Variants in PDE11A observed in about 807,000 individuals in gnomAD.
PDE11A encodes phosphodiesterase 11A.
PDE11A carries 100 observed loss-of-function variants against 100.5 expected under a neutral mutation model. The ratio of observed to expected loss-of-function variants is 1.00; its 90% CI spans 0.85 to 1.18. PDE11A has a LOEUF of 1.18. PDE11A is among the 50% of genes most tolerant of loss of function. The pLI is 0.00. For synonymous variants in PDE11A, 381 were observed against 420.8 expected (o/e 0.91, Z 1.16); for missense variants, 1,141 against 1,152.6 (o/e 0.99, Z 0.15).
At chr2:177,691,231 C>T (rs757287938) in intron 15 of PDE11A, among the ~76,000 whole-genome samples, 2 of 152,098 alleles carry the variant, frequency 1.3e-5, no homozygotes, top group Non-Finnish European at 2.9e-5. Flanking sequence ...AGCAACAACC[C>T]CTGTGACTGT....
At position 177,817,905 on chromosome 2, in the gene PDE11A, T is replaced by G; in HGVS notation, c.1597A>C (p.Arg533=). The G allele has an allele frequency of 6.6e-7, 1 of 1,526,612 alleles. No individual in the cohort carries two copies. The highest frequency in any genetic ancestry group is 9.1e-7 in the Non-Finnish European group (1 of 1,101,958). The allele number at this position is 1,526,612 out of a possible 1,614,324, so 94.6% of individuals were successfully genotyped here. A position where few individuals can be genotyped will look rare whatever the true frequency, so the allele number is the denominator to read the frequency against. The change falls in exon 8 of 20, where the codon AGA becomes CGA. Residue 533 remains arginine (R), a synonymous_variant. Transcript: ENST00000286063. ...TCATCAAAAGGTTTCCCATCAAGTCTGTTTAACACTTGAGCCACTCCTATG... is the reference window on the plus strand; with the variant it reads ...TCATCAAAAGGTTTCCCATCAAGTCGGTTTAACACTTGAGCCACTCCTATG... ...QIIGVAQVLN[R]LDGKPFDDAD...
intron 4 of PDE11A, among the ~76,000 whole-genome samples, chr2:177,878,740 C>T (rs1209239441): frequency 3.3e-5 from 5 of 152,108 alleles, no homozygotes; most frequent in African/African-American, 4.8e-5. Context: ...TGTTCTGATT[C>T]CACAGCTCCA....
intron 12 of PDE11A, among the ~76,000 whole-genome samples, chr2:177,724,851 G>A (rs933987543): frequency 6.6e-6 from 1 of 152,010 alleles, no homozygotes; most frequent in Non-Finnish European, 1.5e-5. Flanking sequence ...CTTTGCCTTG[G>A]AGCGCCATCT....
At chr2:178,059,159 G>T (rs898165014) in intron 1 of PDE11A, among the ~76,000 whole-genome samples, 1 of 152,170 alleles carries the variant, frequency 6.6e-6, no homozygotes, top group Non-Finnish European at 1.5e-5. Context: ...TCTGCCTCCT[G>T]CCCTAGCTCC....
At chr2:177,697,861 G>C (rs1053159525) in intron 14 of PDE11A, among the ~76,000 whole-genome samples, 1 of 152,170 alleles carries the variant, frequency 6.6e-6, no homozygotes, top group East Asian at 1.9e-4. Context: ...CACTTGCTAT[G>C]GCAACAAATG....
intron 2 of PDE11A, among the ~76,000 whole-genome samples, chr2:178,000,631 T>TAA (rs1276595465): frequency 6.6e-5 from 10 of 152,318 alleles, no homozygotes; most frequent in African/African-American, 2.4e-4. Context: ...ATGAAAATAT[T>TAA]AAAGTATCTA....
intron 15 of PDE11A, chr2:177,687,483 C>T (rs1282824899): frequency 6.6e-6 from 1 of 152,182 alleles, no homozygotes; most frequent in Non-Finnish European, 1.5e-5. Context: ...GAGAGTTACC[C>T]ATGTTGTTAT....
chr2:177,827,573 A>G lies in PDE11A; in HGVS notation c.1501-7278T>C, dbSNP rs551766164. ...CATAACTACACAAATGGAAGGAAAT[A>G]CTGAATTAAACAATGGAATATAATA... On this transcript the variant is annotated intron_variant, in intron 6 of 19. Transcript: ENST00000286063. 5.9e-5 allele frequency among the ~76,000 whole-genome samples: 9 copies of G among 152,360 alleles called. No individual in the cohort carries two copies. The South Asian group carries it at 1.7e-3, about 28-fold the overall frequency.
At chr2:177,999,010 T>C (rs898450164) in intron 2 of PDE11A, among the ~76,000 whole-genome samples, 1 of 152,258 alleles carries the variant, frequency 6.6e-6, no homozygotes, top group African/African-American at 2.4e-5. Context: ...GACAATAATT[T>C]CTGCCACCCT....
intron 1 of PDE11A, among the ~76,000 whole-genome samples, chr2:178,049,871 GC>G (rs2086799394): frequency 1.3e-5 from 2 of 152,212 alleles, no homozygotes; most frequent in African/African-American, 4.8e-5. Context: ...ACTGGGTAGA[GC>G]CCACCGCAGC....
chr2:177,987,128 C>A (rs1006071348), intron 2 of PDE11A, among the ~76,000 whole-genome samples: 1 of 151,694 alleles, frequency 6.6e-6, no homozygotes. Context: ...CAAATATGTC[C>A]CCCACCAGCC....
intron 2 of PDE11A, among the ~76,000 whole-genome samples, chr2:177,915,235 C>T (rs1050632210): frequency 6.6e-6 from 1 of 152,192 alleles, no homozygotes; most frequent in Non-Finnish European, 1.5e-5. Flanking sequence ...ACAATAGGTT[C>T]ACTCTTTGTG....
At chr2:177,635,884 T>A (rs2080031640) in intron 19 of PDE11A, among the ~76,000 whole-genome samples, 2 of 151,584 alleles carry the variant, frequency 1.3e-5, no homozygotes, top group African/African-American at 4.9e-5. Context: ...CTATCTAGTA[T>A]TCCACTGCTG....
At chr2:178,059,468 G>A (rs1031275772) in intron 1 of PDE11A, among the ~76,000 whole-genome samples, 3 of 152,198 alleles carry the variant, frequency 2.0e-5, no homozygotes, top group Admixed American at 2.0e-4. Context: ...CCATGGGTCG[G>A]GTGGCTGCCT....
intron 1 of PDE11A, among the ~76,000 whole-genome samples, chr2:178,066,726 C>A: frequency 6.6e-6 from 1 of 152,178 alleles, no homozygotes; most frequent in East Asian, 1.9e-4. Flanking sequence ...AAGGATGTGG[C>A]CCTCCTCACC....
chr2:177,944,834 C>CTCTCCCTCTCCG (rs1559017832), intron 2 of PDE11A, among the ~76,000 whole-genome samples: 3 of 128,398 alleles, frequency 2.3e-5, no homozygotes, highest in African/African-American at 8.1e-5. Context: ...CTCCCTCTCC[C>CTCTCCCTCTCCG]TCTCCGTCTC....
At chr2:178,074,047 A>G (rs1347440), upstream of PDE11A, among the ~76,000 whole-genome samples, 1,972 of 152,330 alleles carry the variant, frequency 0.013, 36 homozygotes, top group East Asian at 0.079. Context: ...CAATCATAAA[A>G]TGGAATAAAG....
intron 1 of PDE11A, chr2:178,104,612 A>T: frequency 1.4e-6 from 1 of 696,880 alleles, no homozygotes; most frequent in Non-Finnish European, 2.4e-6. Context: ...CCTTTAAAGC[A>T]TGCAAGCTTT....
chr2:177,842,546 G>A (rs551152280), intron 5 of PDE11A, among the ~76,000 whole-genome samples: 1 of 152,350 alleles, frequency 6.6e-6, no homozygotes, highest in Non-Finnish European at 1.5e-5. Context: ...ATGGAGAACT[G>A]TTTAAGAATA....
Sources: gnomAD v4.1 joint callset for allele counts (sites outside exome capture counted in the v4.1 genomes callset) on GRCh38, gnomAD v4.1.1 for gene constraint, MANE v1.5 for transcripts, NCBI Gene and HGNC (gene_info 2026-07-23, HGNC 2026-07-21) for gene names.